Variants in H2AZ2 observed in about 807,000 individuals in gnomAD.
H2AZ2 encodes histone H2A.V.
In H2AZ2, 5 loss-of-function variants were observed where a neutral mutation model predicts 15.5. The observed-to-expected ratio is 0.32, with a 90% CI of 0.17 to 0.68. The LOEUF (loss-of-function observed/expected upper bound fraction) is 0.68. H2AZ2 is among the 30% of genes least tolerant of loss of function. The pLI is 0.72. For synonymous variants in H2AZ2, 44 were observed against 57.4 expected, an observed-to-expected ratio of 0.77 and a Z score of 1.05; for missense variants, 42 against 162.5, an observed-to-expected ratio of 0.26 and a Z score of 4.03.
chr7:44,841,547 T>C (rs1583718755), intron 2 of H2AZ2, among the ~76,000 whole-genome samples: 1 of 152,322 alleles, frequency 6.6e-6, no homozygotes. Context: ...TCTCACTCTG[T>C]CACCCAGGCT....
At chr7:44,840,449 G>A (rs117951976) in intron 3 of H2AZ2, among the ~76,000 whole-genome samples, 4,470 of 152,120 alleles carry the variant, frequency 0.029, 117 homozygotes, top group Non-Finnish European at 0.046. Context: ...GGTAATAGCT[G>A]ACAAGATGCA....
chr7:44,844,245 A>C (rs1314244149), intron 1 of H2AZ2, among the ~76,000 whole-genome samples: 1 of 152,250 alleles, frequency 6.6e-6, no homozygotes, highest in East Asian at 1.9e-4. Flanking sequence ...AATGATATAC[A>C]TATAATGGAA....
downstream of H2AZ2, chr7:44,828,660 A>G (rs1439980351): frequency 6.6e-6 from 1 of 152,212 alleles, no homozygotes; most frequent in Non-Finnish European, 1.5e-5. Context: ...TACTTGTAAC[A>G]CAAGCCATAA....
chr7:44,842,494 T>C (rs1583719479), intron 2 of H2AZ2, among the ~76,000 whole-genome samples: 1 of 152,178 alleles, frequency 6.6e-6, no homozygotes, highest in Non-Finnish European at 1.5e-5. Flanking sequence ...CTCTGTTCCT[T>C]AGGTTCTAAG....
intron 1 of H2AZ2, among the ~76,000 whole-genome samples, chr7:44,846,296 G>T (rs907459694): frequency 2.6e-5 from 4 of 152,048 alleles, no homozygotes; most frequent in Admixed American, 2.6e-4. Context: ...AACATATAGC[G>T]TATCACTAGA....
intron 3 of H2AZ2, among the ~76,000 whole-genome samples, chr7:44,839,214 C>T (rs1055112026): frequency 6.6e-6 from 1 of 152,134 alleles, no homozygotes; most frequent in African/African-American, 2.4e-5. Context: ...TCATAAACTA[C>T]AACATTATGC....
At chr7:44,847,872 G>A in intron 1 of H2AZ2, 97 bp downstream of exon 1, 5 of 1,503,624 alleles carry the variant, frequency 3.3e-6, no homozygotes, top group Admixed American at 2.1e-5. Flanking sequence ...CCAGACACCC[G>A]CAAACTCCCG....
At chr7:44,828,364 G>A (rs1792954176), downstream of H2AZ2, 1 of 152,172 alleles carries the variant, frequency 6.6e-6, no homozygotes, top group East Asian at 1.9e-4. Flanking sequence ...TGGTAATAAC[G>A]GCTTTTAGAA....
chr7:44,846,024 T>TACACACACACACACACACACACAC (rs10573522), intron 1 of H2AZ2, among the ~76,000 whole-genome samples: 1 of 132,754 alleles, frequency 7.5e-6, no homozygotes, highest in Non-Finnish European at 1.6e-5. Context: ...TTTAAAAAAT[T>TACACACACACACACACACACACAC]ACACACACAC....
chr7:44,845,148 T>C (rs991610427), intron 1 of H2AZ2, among the ~76,000 whole-genome samples: 1 of 152,124 alleles, frequency 6.6e-6, no homozygotes, highest in African/African-American at 2.4e-5. Context: ...CCTGTATACT[T>C]CCTCTAATTG....
At chr7:44,838,383 G>T (rs1793184857) in intron 3 of H2AZ2, among the ~76,000 whole-genome samples, 1 of 151,798 alleles carries the variant, frequency 6.6e-6, no homozygotes, top group Admixed American at 6.6e-5. Context: ...ATAAAAGGTG[G>T]CTCATGTCTG....
downstream of H2AZ2, chr7:44,827,836 G>A (rs1260433768): frequency 1.2e-4 from 18 of 152,102 alleles, no homozygotes; most frequent in Admixed American, 1.2e-3. Flanking sequence ...GAGCTCATGG[G>A]GCCCTTGTAT....
In H2AZ2 at chr7:44,833,803, CA is replaced by C. The variant is rs1793051246; in HGVS notation, c.*697del. ...GTTCAATGTTTTTTGGCATAGCACA[CA>C]ATTTCTGTGACCCTTAGGCTCCACA... On this transcript the variant is annotated 3_prime_UTR_variant, in exon 5 of 5. Transcript: ENST00000308153. 3.4e-6 allele frequency: 2 copies of C among 591,946 alleles called. No individual in the cohort carries two copies. 36.7% of individuals were successfully genotyped at this position (591,946 alleles called of 1,614,324 possible). A position where few individuals can be genotyped will look rare whatever the true frequency, so the allele number is the denominator to read the frequency against.
chr7:44,840,831 T>C, intron 3 of H2AZ2, 68 bp downstream of exon 3: 1 of 1,024,462 alleles, frequency 9.8e-7, no homozygotes, highest in Non-Finnish European at 1.5e-6. Context: ...ATATATTCCA[T>C]GGGTTTCTGT....
intron 4 of H2AZ2, chr7:44,835,322 A>G: frequency 2.3e-6 from 1 of 440,964 alleles, no homozygotes; most frequent in South Asian, 7.2e-5. Flanking sequence ...GAACTGGCTA[A>G]AATAAAAATA....
intron 3 of H2AZ2, 39 bp from the exon 4 acceptor site, chr7:44,835,697 C>G: frequency 6.6e-7 from 1 of 1,522,942 alleles, no homozygotes; most frequent in Non-Finnish European, 8.9e-7. Flanking sequence ...AATGAAGGAC[C>G]TAGGATCCCA....
rs1397766036 is a variant in H2AZ2 at position 44,833,044 on chromosome 7, A to G, written c.*1457T>C. The stretch of plus-strand genomic sequence containing the variant: ...GTTATTGCATGACTAAGAGACTACT[A>G]AAAGTTGGGATTTTTTTTTTTGAGA... On this transcript the variant is annotated 3_prime_UTR_variant, in exon 5 of 5. Coordinates refer to ENST00000308153, the MANE Select transcript of H2AZ2 (RefSeq NM_012412.5). 6.6e-6 allele frequency among the ~76,000 whole-genome samples: 1 copy of G among 152,102 alleles called. No homozygotes were observed. The highest frequency in any genetic ancestry group is 1.5e-5 in the Non-Finnish European group (1 of 68,020).
intron 1 of H2AZ2, among the ~76,000 whole-genome samples, chr7:44,846,666 AAAAC>A (rs1793418693): frequency 6.6e-6 from 1 of 150,858 alleles, no homozygotes. Context: ...AAAAAAAAAA[AAAAC>A]CACAAAAAAC....
intron 1 of H2AZ2, among the ~76,000 whole-genome samples, chr7:44,846,885 A>C (rs929564241): frequency 1.3e-5 from 2 of 152,318 alleles, no homozygotes; most frequent in East Asian, 1.9e-4. Context: ...AGACGTTGGA[A>C]GCAATTATCC....
Sources: allele counts gnomAD v4.1 joint callset (sites outside exome capture counted in the v4.1 genomes callset), GRCh38; gene constraint gnomAD v4.1.1; transcripts MANE v1.5; gene names NCBI Gene and HGNC (gene_info 2026-07-23, HGNC 2026-07-21).